The following UBAP1 variants were observed in gnomAD, a reference collection of about 807,000 sequenced individuals.
The protein encoded by UBAP1 is ubiquitin associated protein 1, also known as ubiquitin-associated protein 1.
In UBAP1, 5 loss-of-function variants were observed where a neutral mutation model predicts 39.0. That is an observed-to-expected ratio of 0.13 (90% confidence interval 0.07 to 0.27). UBAP1 has a LOEUF of 0.27. Among genes scored for constraint, UBAP1 ranks in the 10% least tolerant of loss-of-function variants. The probability of loss-of-function intolerance (pLI) is 1.00; values close to 1 mark genes in which losing one functional copy is unlikely to be tolerated. For synonymous variants in UBAP1, 211 were observed against 225.1 expected (o/e 0.94, Z 0.56); for missense variants, 490 against 608.1 (o/e 0.81, Z 2.04).
At chr9:34,224,257 C>T (rs549818484) in intron 2 of UBAP1, 28 of 476,450 alleles carry the variant, frequency 5.9e-5, no homozygotes, top group East Asian at 2.7e-4. Flanking sequence ...CCAGGGGTAG[C>T]GCATAGTGGG....
intron 1 of UBAP1, among the ~76,000 whole-genome samples, chr9:34,203,899 A>G (rs1314968467): frequency 6.6e-6 from 1 of 152,224 alleles, no homozygotes; most frequent in Non-Finnish European, 1.5e-5. Context: ...TTCAGGTTTC[A>G]CATGATGGAA....
Position 34,220,908 on chromosome 9 carries a change from G to A in UBAP1, c.-7G>A. 6.2e-7 allele frequency: 1 copy of A among 1,613,160 alleles called. No homozygotes were observed. Among genetic ancestry groups the A allele is most frequent in the Non-Finnish European group, 8.5e-7 (1 of 1,179,440 alleles). On this transcript the variant is annotated splice_region_variant and 5_prime_UTR_variant, in exon 2 of 7. Transcript: ENST00000297661. ...TAAGAAATATTTCCTTGTTTTTCAG[G>A]TTCTAAATGGCTTCTAAGAAGTTGG...
chr9:34,200,022 T>C (rs894176455), intron 1 of UBAP1, among the ~76,000 whole-genome samples: 4 of 152,022 alleles, frequency 2.6e-5, no homozygotes, highest in Admixed American at 2.0e-4. Flanking sequence ...TTGTTATACT[T>C]TCTTAGTTTC....
At chr9:34,238,228 G>A (rs1267518229) in intron 3 of UBAP1, among the ~76,000 whole-genome samples, 1 of 152,188 alleles carries the variant, frequency 6.6e-6, no homozygotes, top group Non-Finnish European at 1.5e-5. Flanking sequence ...ATATTTCATT[G>A]TTTGGATATA....
intron 4 of UBAP1, among the ~76,000 whole-genome samples, chr9:34,246,471 A>T (rs1018635447): frequency 6.6e-6 from 1 of 152,216 alleles, no homozygotes; most frequent in Non-Finnish European, 1.5e-5. Flanking sequence ...AATGGACTTC[A>T]ATTTATTCCA....
At chr9:34,241,109 G>A in intron 3 of UBAP1, 76 bp from the exon 4 acceptor site, 1 of 1,074,394 alleles carries the variant, frequency 9.3e-7, no homozygotes, top group Non-Finnish European at 1.3e-6. Context: ...CCAGGAGTGA[G>A]GAAGGAGTGA....
intron 4 of UBAP1, 91 bp from the exon 5 acceptor site, chr9:34,249,688 G>A: frequency 7.9e-7 from 1 of 1,272,134 alleles, no homozygotes; most frequent in Non-Finnish European, 1.1e-6. Flanking sequence ...CTTGAATAGT[G>A]TCAGAAATGC....
At chr9:34,186,450 G>T (rs1257403535) in intron 1 of UBAP1, among the ~76,000 whole-genome samples, 1 of 152,118 alleles carries the variant, frequency 6.6e-6, no homozygotes, top group East Asian at 1.9e-4. Context: ...ATTGGCTCAT[G>T]GTAATTGTTA....
intron 1 of UBAP1, among the ~76,000 whole-genome samples, chr9:34,214,209 C>A (rs989959831): frequency 6.6e-6 from 1 of 152,140 alleles, no homozygotes. Flanking sequence ...ACCTGCATAG[C>A]CAAAGCAAGA....
intron 2 of UBAP1, among the ~76,000 whole-genome samples, chr9:34,226,670 G>T (rs1367461962): frequency 6.6e-6 from 1 of 152,264 alleles, no homozygotes; most frequent in Middle Eastern, 3.4e-3. Flanking sequence ...GATCACATAT[G>T]CATTAGGTTG....
At chr9:34,199,372 C>G (rs1165482408) in intron 1 of UBAP1, among the ~76,000 whole-genome samples, 1 of 152,132 alleles carries the variant, frequency 6.6e-6, no homozygotes, top group East Asian at 1.9e-4. Flanking sequence ...CGCGCCCAGC[C>G]TATTATTTAT....
chr9:34,242,363 G>T (rs1834005543), intron 4 of UBAP1, among the ~76,000 whole-genome samples: 2 of 152,158 alleles, frequency 1.3e-5, no homozygotes, highest in African/African-American at 4.8e-5. Context: ...GCCCAGGCTG[G>T]TCTCAAACTC....
intron 1 of UBAP1, among the ~76,000 whole-genome samples, chr9:34,215,453 T>C (rs1185361955): frequency 1.3e-5 from 2 of 150,644 alleles, no homozygotes; most frequent in East Asian, 3.9e-4. Flanking sequence ...AAACATCTAA[T>C]GTTCTCACTG....
chr9:34,227,905 T>C (rs1020116133), intron 2 of UBAP1, among the ~76,000 whole-genome samples: 2 of 152,136 alleles, frequency 1.3e-5, no homozygotes, highest in Non-Finnish European at 2.9e-5. Flanking sequence ...GGTGGGAGGA[T>C]TGCTTGAGTC....
At position 34,224,278 on chromosome 9, in the gene UBAP1, C is replaced by G. The variant is rs569594638; in HGVS notation, c.34+3330C>G. The G allele has an allele frequency of 1.3e-5, 6 of 478,548 alleles. No homozygotes were observed. The South Asian group carries it at 2.4e-4, about 19-fold the overall frequency. 29.6% of individuals were successfully genotyped at this position (478,548 alleles called of 1,614,324 possible). On this transcript the variant is annotated intron_variant, in intron 2 of 6. Transcript: ENST00000297661. ...GTAGCGCATAGTGGGACTCGTACCA[C>G]TGTCCATACGGTGTGCTGTCGATGA...
At chr9:34,222,157 T>C (rs1213372003) in intron 2 of UBAP1, among the ~76,000 whole-genome samples, 1 of 152,116 alleles carries the variant, frequency 6.6e-6, no homozygotes, top group Non-Finnish European at 1.5e-5. Flanking sequence ...CACATCATTT[T>C]AAGAATGATT....
chr9:34,244,513 C>T (rs1441645729), intron 4 of UBAP1, among the ~76,000 whole-genome samples: 2 of 26,608 alleles, frequency 7.5e-5, no homozygotes, highest in African/African-American at 1.7e-4. Flanking sequence ...TTCAAGCTGG[C>T]GTGCAATGTT....
chr9:34,195,478 T>A (rs1357509363), intron 1 of UBAP1, among the ~76,000 whole-genome samples: 1 of 152,218 alleles, frequency 6.6e-6, no homozygotes, highest in East Asian at 1.9e-4. Context: ...TCTATTGATC[T>A]GTTTGTCTAT....
chr9:34,226,359 C>T (rs1333725795), intron 2 of UBAP1, among the ~76,000 whole-genome samples: 1 of 151,808 alleles, frequency 6.6e-6, no homozygotes, highest in African/African-American at 2.4e-5. Flanking sequence ...GTCTCAGCCC[C>T]CTGAGTAGCT....
Sources: allele counts gnomAD v4.1 joint callset (sites outside exome capture counted in the v4.1 genomes callset), GRCh38; gene constraint gnomAD v4.1.1; transcripts MANE v1.5; gene names NCBI Gene and HGNC (gene_info 2026-07-23, HGNC 2026-07-21).